KIAA1958: variants seen among roughly 807,000 people sequenced by gnomAD.
The protein encoded by KIAA1958 is KIAA1958, also known as uncharacterized protein KIAA1958.
Under a neutral mutation model 47.2 loss-of-function variants are expected in KIAA1958, and 14 were observed. The observed-to-expected ratio is 0.30, with a 90% CI of 0.20 to 0.46. The LOEUF is 0.46. Ranked by LOEUF, KIAA1958 falls within the 20% of genes least tolerant of loss-of-function variation. The pLI, the probability that KIAA1958 is intolerant of heterozygous loss-of-function variation, is 1.00. For missense variants in KIAA1958, 803 were observed against 909.2 expected (o/e 0.88, Z 1.50); for synonymous variants, 354 against 353.3 (o/e 1.00, Z -0.02).
At chr9:112,612,873 C>T (rs9886783) in intron 2 of KIAA1958, among the ~76,000 whole-genome samples, 128,458 of 152,160 alleles carry the variant, frequency 0.84, 54,403 homozygotes, top group South Asian at 0.87. Context: ...AATGCCTATC[C>T]GTAGGGAGTT....
At chr9:112,629,512 G>A (rs1442866003) in intron 2 of KIAA1958, among the ~76,000 whole-genome samples, 1 of 152,156 alleles carries the variant, frequency 6.6e-6, no homozygotes, top group Non-Finnish European at 1.5e-5. Context: ...TGTGACTGAT[G>A]CTTTTGGTCA....
intron 3 of KIAA1958, among the ~76,000 whole-genome samples, chr9:112,646,627 C>A (rs1391334989): frequency 2.6e-5 from 4 of 152,202 alleles, no homozygotes; most frequent in Non-Finnish European, 1.5e-5. Context: ...GTCCCAGTTA[C>A]TTAGGAGGCT....
At chr9:112,635,101 A>G (rs912267281) in intron 2 of KIAA1958, among the ~76,000 whole-genome samples, 3 of 152,190 alleles carry the variant, frequency 2.0e-5, no homozygotes, top group Non-Finnish European at 4.4e-5. Flanking sequence ...ATGCAGTCCT[A>G]TAAAAGAAGT....
At chr9:112,496,242 A>G (rs1355747852) in intron 1 of KIAA1958, among the ~76,000 whole-genome samples, 2 of 152,254 alleles carry the variant, frequency 1.3e-5, no homozygotes, top group Non-Finnish European at 2.9e-5. Flanking sequence ...GATGAGAATG[A>G]TAAACAGTCT....
intron 1 of KIAA1958, among the ~76,000 whole-genome samples, chr9:112,560,780 T>C (rs1835313696): frequency 6.6e-6 from 1 of 152,164 alleles, no homozygotes; most frequent in Non-Finnish European, 1.5e-5. Flanking sequence ...GTCTGTGGGA[T>C]GCTAGAATAT....
At chr9:112,528,382 G>C (rs561785140) in intron 1 of KIAA1958, among the ~76,000 whole-genome samples, 2 of 152,124 alleles carry the variant, frequency 1.3e-5, no homozygotes, top group Non-Finnish European at 2.9e-5. Flanking sequence ...CTACCACCCT[G>C]TGCAGGGTTA....
At chr9:112,554,853 C>A (rs62568602) in intron 1 of KIAA1958, among the ~76,000 whole-genome samples, 16,933 of 152,164 alleles carry the variant, frequency 0.11, 1,384 homozygotes, top group East Asian at 0.19. Flanking sequence ...TTTGGAGCCA[C>A]TGTTACAGTG....
At chr9:112,619,188 A>G (rs184216389) in intron 2 of KIAA1958, 27 of 175,964 alleles carry the variant, frequency 1.5e-4, no homozygotes, top group Middle Eastern at 2.6e-3. Flanking sequence ...TTCTCAGGCA[A>G]CACAAAGTAG....
chr9:112,600,642 T>C (rs1019991841), intron 2 of KIAA1958, among the ~76,000 whole-genome samples: 10 of 152,180 alleles, frequency 6.6e-5, no homozygotes, highest in African/African-American at 2.2e-4. Context: ...TTCACATATG[T>C]CCATGGCAGG....
intron 1 of KIAA1958, among the ~76,000 whole-genome samples, chr9:112,543,226 G>GTTTTTGT (rs112944046): frequency 6.6e-6 from 1 of 150,888 alleles, no homozygotes; most frequent in Non-Finnish European, 1.5e-5. Flanking sequence ...TTTTGTTGTT[G>GTTTTTGT]TTGTTTGTTT....
At chr9:112,611,642 A>G (rs1461033887) in intron 2 of KIAA1958, among the ~76,000 whole-genome samples, 2 of 152,136 alleles carry the variant, frequency 1.3e-5, no homozygotes, top group Non-Finnish European at 2.9e-5. Flanking sequence ...AAGATTCCCA[A>G]TCATAAGTAT....
At chr9:112,599,724 G>C (rs1011699631) in intron 2 of KIAA1958, among the ~76,000 whole-genome samples, 1 of 152,180 alleles carries the variant, frequency 6.6e-6, no homozygotes, top group East Asian at 1.9e-4. Context: ...AGGAAAGTGA[G>C]AGTTAAAAAA....
At position 112,491,907 on chromosome 9, in the gene KIAA1958, G is replaced by A. The variant is rs190615382; in HGVS notation, c.-25+4789G>A. ...TAACCTTTTCTGTCCTTTTTTAATT[G>A]CAAATATTCTGTCCCTTCAGTTTTT... On this transcript the variant is annotated intron_variant, in intron 1 of 3. Coordinates refer to ENST00000337530, the MANE Select transcript of KIAA1958 (RefSeq NM_133465.4). Among the ~76,000 whole-genome samples the A allele has an allele frequency of 1.9e-3, 289 of 151,900 alleles. 1 individual carries two copies. The highest frequency in any genetic ancestry group is 6.4e-3 in the African/African-American group (266 of 41,452).
chr9:112,559,843 C>T (rs2131157769), intron 1 of KIAA1958, among the ~76,000 whole-genome samples: 1 of 152,152 alleles, frequency 6.6e-6, no homozygotes, highest in East Asian at 1.9e-4. Context: ...CAAATCTCGC[C>T]CATTGATGAG....
intron 1 of KIAA1958, among the ~76,000 whole-genome samples, chr9:112,549,280 C>T (rs1406828292): frequency 6.6e-6 from 1 of 152,142 alleles, no homozygotes; most frequent in Non-Finnish European, 1.5e-5. Flanking sequence ...GTTTCCATAT[C>T]CTCATTTCTC....
intron 2 of KIAA1958, among the ~76,000 whole-genome samples, chr9:112,620,915 T>C (rs1564192823): frequency 1.3e-5 from 2 of 152,350 alleles, no homozygotes; most frequent in South Asian, 4.1e-4. Flanking sequence ...TTCAGACATA[T>C]TGCAGTACTT....
rs1215678570 is a variant in KIAA1958 at position 112,668,133 on chromosome 9, T to A, written c.*8064T>A. On this transcript the variant is annotated 3_prime_UTR_variant, in exon 4 of 4. Coordinates refer to ENST00000337530, the MANE Select transcript of KIAA1958 (RefSeq NM_133465.4). ...AACACTCTATCCTGAAAGAGTCCACTGCTTCCAAGTGAGAAAAGCCAAGGA... is the reference window on the plus strand; with the variant it reads ...AACACTCTATCCTGAAAGAGTCCACAGCTTCCAAGTGAGAAAAGCCAAGGA... 1 of 152,236 alleles carries A rather than the reference T, an allele frequency of 6.6e-6. No homozygotes were observed. Among genetic ancestry groups the A allele is most frequent in the African/African-American group, 2.4e-5 (1 of 41,472 alleles). The allele number at this position is 152,236 out of a possible 1,614,324, so 9.4% of individuals were successfully genotyped here.
At chr9:112,655,438 A>C (rs544109496) in intron 3 of KIAA1958, among the ~76,000 whole-genome samples, 3 of 152,184 alleles carry the variant, frequency 2.0e-5, no homozygotes, top group Non-Finnish European at 2.9e-5. Context: ...AAAGAGATTG[A>C]ATCATTTTTA....
At chr9:112,553,716 C>T (rs1387829310) in intron 1 of KIAA1958, among the ~76,000 whole-genome samples, 3 of 152,110 alleles carry the variant, frequency 2.0e-5, no homozygotes, top group Admixed American at 6.5e-5. Flanking sequence ...GGTCAAATCT[C>T]TGCTTTATAA....
Sources: gnomAD v4.1 joint callset for allele counts (sites outside exome capture counted in the v4.1 genomes callset) on GRCh38, gnomAD v4.1.1 for gene constraint, MANE v1.5 for transcripts, NCBI Gene and HGNC (gene_info 2026-07-23, HGNC 2026-07-21) for gene names.